The following PCDH9 variants were observed in gnomAD, a reference collection of about 807,000 sequenced individuals.
PCDH9 encodes the protein protocadherin 9, also known as protocadherin-9.
A neutral mutation model predicts 70.6 loss-of-function variants in PCDH9; 24 were observed. The ratio of observed to expected loss-of-function variants is 0.34; its 90% CI spans 0.25 to 0.48. The LOEUF is 0.48. PCDH9 is among the 20% of genes least tolerant of loss of function. The pLI, the probability that PCDH9 is intolerant of heterozygous loss-of-function variation, is 0.99. For missense variants in PCDH9, 1,281 were observed against 1,503.6 expected, an observed-to-expected ratio of 0.85 and a Z score of 2.45; for synonymous variants, 562 against 558.5, an observed-to-expected ratio of 1.01 and a Z score of -0.09.
chr13:67,196,289 A>G (rs556251816), intron 2 of PCDH9, among the ~76,000 whole-genome samples: 1 of 152,234 alleles, frequency 6.6e-6, no homozygotes, highest in Non-Finnish European at 1.5e-5. Context: ...CCGAAAACTA[A>G]AGAGGAATTG....
At chr13:67,059,885 G>GTT (rs56867131) in intron 2 of PCDH9, among the ~76,000 whole-genome samples, 82,527 of 143,208 alleles carry the variant, frequency 0.58, 24,097 homozygotes, top group Middle Eastern at 0.65. Flanking sequence ...GTTTTTTGTT[G>GTT]TTTTTTTTTT....
At chr13:67,051,331 T>C (rs1342882050) in intron 2 of PCDH9, among the ~76,000 whole-genome samples, 1 of 151,316 alleles carries the variant, frequency 6.6e-6, no homozygotes, top group Non-Finnish European at 1.5e-5. Context: ...TGGGTCTGCA[T>C]GATCTGAAGT....
intron 4 of PCDH9, among the ~76,000 whole-genome samples, chr13:66,410,453 T>C (rs1039875285): frequency 6.6e-6 from 1 of 152,238 alleles, no homozygotes; most frequent in African/African-American, 2.4e-5. Context: ...CTACAACTTA[T>C]GCCAATGTCA....
Position 66,828,837 on chromosome 13 carries a change from C to T in PCDH9, c.3138+74667G>A, listed in dbSNP as rs866353873. Among the ~76,000 whole-genome samples, 17 of 115,820 alleles carry T rather than the reference C, an allele frequency of 1.5e-4. 1 individual carries two copies. The highest frequency in any genetic ancestry group is 3.7e-4 in the African/African-American group (13 of 35,116). The allele number at this position is 115,820 out of a possible 152,430, so 76.0% of individuals were successfully genotyped here. A position where few individuals can be genotyped will look rare whatever the true frequency, so the allele number is the denominator to read the frequency against. ...ATAATAATAATAATAATAATAATAA[C>T]AACAATGTGGGGATAAAAAAAGTTC... On this transcript the variant is annotated intron_variant, in intron 3 of 4. Transcript: ENST00000377865.
intron 4 of PCDH9, among the ~76,000 whole-genome samples, chr13:66,337,216 A>T (rs1167201991): frequency 2.0e-5 from 3 of 152,078 alleles, no homozygotes; most frequent in Non-Finnish European, 4.4e-5. Flanking sequence ...TAAAAATAAC[A>T]TGAGGTCAAA....
chr13:66,745,191 C>G (rs1312784536), intron 3 of PCDH9, among the ~76,000 whole-genome samples: 1 of 152,144 alleles, frequency 6.6e-6, no homozygotes, highest in Non-Finnish European at 1.5e-5. Context: ...AGGATTAAAT[C>G]ACTACCGAGT....
chr13:66,977,961 G>A (rs781299841), intron 2 of PCDH9, among the ~76,000 whole-genome samples: 6 of 152,132 alleles, frequency 3.9e-5, no homozygotes, highest in Non-Finnish European at 5.9e-5. Flanking sequence ...TGTTAATAAT[G>A]TTAAGTGAAA....
At chr13:67,147,565 C>T (rs1276668731) in intron 2 of PCDH9, among the ~76,000 whole-genome samples, 2 of 152,054 alleles carry the variant, frequency 1.3e-5, no homozygotes, top group African/African-American at 4.8e-5. Context: ...TGTTCACAGC[C>T]GTGTTAATAA....
At chr13:67,101,110 C>A (rs571825046) in intron 2 of PCDH9, among the ~76,000 whole-genome samples, 1 of 152,182 alleles carries the variant, frequency 6.6e-6, no homozygotes, top group East Asian at 1.9e-4. Flanking sequence ...AGCTCCTCAC[C>A]CTTACCCTCT....
chr13:66,772,665 C>T (rs2079826804), intron 3 of PCDH9, among the ~76,000 whole-genome samples: 1 of 151,736 alleles, frequency 6.6e-6, no homozygotes, highest in Non-Finnish European at 1.5e-5. Context: ...CACAAAGGGG[C>T]TCAACATAAA....
intron 4 of PCDH9, among the ~76,000 whole-genome samples, chr13:66,337,854 G>A (rs1441182669): frequency 6.6e-6 from 1 of 152,076 alleles, no homozygotes; most frequent in Non-Finnish European, 1.5e-5. Flanking sequence ...TTAGCCTGAT[G>A]TTGGAAGACA....
intron 3 of PCDH9, among the ~76,000 whole-genome samples, chr13:66,826,414 A>G (rs1045495815): frequency 6.6e-6 from 1 of 152,218 alleles, no homozygotes; most frequent in Non-Finnish European, 1.5e-5. Flanking sequence ...TAAAGAATGT[A>G]GGTTTTTGAG....
chr13:67,189,011 G>A (rs953202019), intron 2 of PCDH9, among the ~76,000 whole-genome samples: 3 of 151,830 alleles, frequency 2.0e-5, no homozygotes, highest in African/African-American at 4.8e-5. Context: ...TCATAGCTTA[G>A]CTCCAACTTA....
At chr13:66,347,245 C>T (rs1000017050) in intron 4 of PCDH9, among the ~76,000 whole-genome samples, 6 of 152,136 alleles carry the variant, frequency 3.9e-5, no homozygotes, top group African/African-American at 4.8e-5. Context: ...ATATGTAATA[C>T]GCAAATAGAA....
At chr13:67,083,053 A>G (rs988577955) in intron 2 of PCDH9, among the ~76,000 whole-genome samples, 3 of 152,178 alleles carry the variant, frequency 2.0e-5, no homozygotes, top group Non-Finnish European at 4.4e-5. Context: ...TGGAAAGGAT[A>G]TAAAGTCCTA....
At chr13:67,074,366 A>T (rs2085835553) in intron 2 of PCDH9, among the ~76,000 whole-genome samples, 2 of 152,104 alleles carry the variant, frequency 1.3e-5, no homozygotes, top group Admixed American at 6.6e-5. Flanking sequence ...TTCACCAGAC[A>T]CTGAATCTGT....
In PCDH9 at chr13:66,483,976, C is replaced by A. The variant is rs558944717; in HGVS notation, c.3340+147234G>T. Among the ~76,000 whole-genome samples, 12 of 152,150 alleles carry A rather than the reference C, an allele frequency of 7.9e-5. No individual in the cohort carries two copies. In the East Asian group the frequency reaches 2.3e-3, roughly 30 times the overall value. On this transcript the variant is annotated intron_variant, in intron 4 of 4. Coordinates refer to ENST00000377865, the MANE Select transcript of PCDH9 (RefSeq NM_203487.3). ...GCACCCCCACATGCCTGCAGGCCATCAACCGGCAGGACAAGGCAGAGTTTG... is the reference window on the plus strand; with the variant it reads ...GCACCCCCACATGCCTGCAGGCCATAAACCGGCAGGACAAGGCAGAGTTTG...
intron 2 of PCDH9, among the ~76,000 whole-genome samples, chr13:66,972,351 G>A (rs1431656765): frequency 6.6e-6 from 1 of 151,888 alleles, no homozygotes; most frequent in Non-Finnish European, 1.5e-5. Flanking sequence ...AGGAGGATGA[G>A]ACAATTATCA....
At chr13:66,934,752 G>C (rs1246816441) in intron 2 of PCDH9, among the ~76,000 whole-genome samples, 1 of 98,442 alleles carries the variant, frequency 1.0e-5, no homozygotes, top group Non-Finnish European at 1.8e-5. Context: ...ACGGAGTCTC[G>C]CTCTGTCGCC....
Sources: gnomAD v4.1 joint callset for allele counts (sites outside exome capture counted in the v4.1 genomes callset) on GRCh38, gnomAD v4.1.1 for gene constraint, MANE v1.5 for transcripts, NCBI Gene and HGNC (gene_info 2026-07-23, HGNC 2026-07-21) for gene names.